The following UBR4 variants were observed in gnomAD, a reference collection of about 807,000 sequenced individuals.
The protein encoded by UBR4 is E3 ubiquitin-protein ligase UBR4.
In UBR4, 124 loss-of-function variants were observed where a neutral mutation model predicts 575.6. The ratio of observed to expected loss-of-function variants is 0.22; its 90% confidence interval spans 0.19 to 0.25. The LOEUF is 0.25. Among genes scored for constraint, UBR4 ranks in the 10% least tolerant of loss-of-function variants. The pLI is 1.00. For synonymous variants in UBR4, 2,455 were observed against 2,473.7 expected (o/e 0.99, Z 0.22); for missense variants, 4,818 against 6,478.8 (o/e 0.74, Z 8.80).
intron 44 of UBR4, 82 bp downstream of exon 44, chr1:19,154,836 A>G: frequency 6.3e-7 from 1 of 1,577,406 alleles, no homozygotes; most frequent in Non-Finnish European, 8.7e-7. Flanking sequence ...CAAAACTCAG[A>G]ACAGATAGCA....
intron 14 of UBR4, among the ~76,000 whole-genome samples, chr1:19,186,066 C>T (rs1193773151): frequency 1.3e-5 from 2 of 152,108 alleles, no homozygotes; most frequent in Admixed American, 1.3e-4. Context: ...AGGTACTTAC[C>T]TTATTCATTC....
At chr1:19,183,726 A>C in intron 17 of UBR4, 85 bp downstream of exon 17, 1 of 1,390,688 alleles carries the variant, frequency 7.2e-7, no homozygotes, top group Non-Finnish European at 1.0e-6. Context: ...CATCTCAAAA[A>C]AACAAACAAA....
At position 19,198,901 on chromosome 1, in the gene UBR4, G is replaced by A. The variant is rs1331506550; in HGVS notation, c.406C>T (p.Leu136=). The change falls in exon 4 of 106, where the codon CTG becomes TTG. Residue 136 remains leucine, a synonymous_variant. Coordinates refer to ENST00000375254, the MANE Select transcript of UBR4 (RefSeq NM_020765.3). ...QKHLILLIKG[L]CTGCSRLDRT... ...TCTAGTCGGCTACAGCCAGTGCACAGGCCCTTGATTAGGAGAATCAAGTGT... is the reference window on the plus strand; with the variant it reads ...TCTAGTCGGCTACAGCCAGTGCACAAGCCCTTGATTAGGAGAATCAAGTGT... 2 of 1,614,180 alleles carry A rather than the reference G, an allele frequency of 1.2e-6. No homozygotes were observed. The highest frequency in any genetic ancestry group is 1.1e-5 in the South Asian group (1 of 91,080).
intron 1 of UBR4, among the ~76,000 whole-genome samples, chr1:19,208,404 T>C (rs1056696399): frequency 1.4e-5 from 2 of 147,222 alleles, no homozygotes; most frequent in Admixed American, 1.4e-4. Flanking sequence ...GAGGTGGAGC[T>C]TGCAGTGAGC....
chr1:19,077,049 G>A (rs1388244585), intron 104 of UBR4, 147 bp from the exon 105 acceptor site: 7 of 794,244 alleles, frequency 8.8e-6, no homozygotes, highest in South Asian at 6.1e-5. Flanking sequence ...TAGAGCGTGC[G>A]TTTTGTCTCC....
chr1:19,167,321 G>T, intron 28 of UBR4, 90 bp from the exon 29 acceptor site: 1 of 1,415,840 alleles, frequency 7.1e-7, no homozygotes, highest in Non-Finnish European at 9.8e-7. Flanking sequence ...ACTTGCCGGG[G>T]AAGAGGGGAA....
chr1:19,164,533 A>G lies in UBR4; in HGVS notation c.4512-92T>C, dbSNP rs1557862195. On this transcript the variant is annotated intron_variant, in intron 32 of 105. Transcript: ENST00000375254. ...AAGTTTTAAATTAAACATTAAATAC[A>G]TAACTACAATACCAATCCCAGCTTT... 18 of 1,341,942 alleles carry G rather than the reference A, an allele frequency of 1.3e-5. No individual in the cohort carries two copies. In the East Asian group the frequency reaches 4.3e-4, roughly 32 times the overall value. 83.1% of individuals were successfully genotyped at this position (1,341,942 alleles called of 1,614,324 possible).
In UBR4 at chr1:19,119,763, T is replaced by C. The variant is rs2080972784; in HGVS notation, c.10311-62A>G. 2.6e-6 allele frequency: 4 copies of C among 1,562,984 alleles called. No individual in the cohort carries two copies. The East Asian group carries it at 6.8e-5, about 27-fold the overall frequency. On this transcript the variant is annotated intron_variant, in intron 69 of 105. Coordinates refer to ENST00000375254, the MANE Select transcript of UBR4 (RefSeq NM_020765.3). ...GAAAACCCTGAGGCACCTGTGTTTA[T>C]CATTGAGGCTCTGGTACCTCAATTT...
chr1:19,099,824 C>T (rs375217831), intron 89 of UBR4, 147 bp from the exon 90 acceptor site: 22 of 659,348 alleles, frequency 3.3e-5, no homozygotes, highest in African/African-American at 1.1e-4. Flanking sequence ...TTAAAAAATC[C>T]GCACGTATGA....
Position 19,179,214 on chromosome 1 carries a change from G to A in UBR4, c.2191C>T (p.Leu731=). ...GGAGCCACTCCTAGCTGCTGCAACAGTGTGTTCTGACAAGAAAGACATGGA... is the reference window on the plus strand; with the variant it reads ...GGAGCCACTCCTAGCTGCTGCAACAATGTGTTCTGACAAGAAAGACATGGA... ...DLQSPNLQNT[L]LQQLGVAPFS... The change falls in exon 18 of 106, where the codon CTG becomes TTG. Residue 731 remains leucine (L), a synonymous_variant. Transcript: ENST00000375254. The A allele has an allele frequency of 6.4e-7, 1 of 1,573,196 alleles. No homozygotes were observed. The highest frequency in any genetic ancestry group is 8.6e-7 in the Non-Finnish European group (1 of 1,167,540).
At chr1:19,074,939 C>T in intron 105 of UBR4, 43 bp from the exon 106 acceptor site, 1 of 1,603,360 alleles carries the variant, frequency 6.2e-7, no homozygotes, top group Admixed American at 1.7e-5. Flanking sequence ...AGCAGGCATA[C>T]AGCCCCCATT....
At chr1:19,156,680 A>G in intron 41 of UBR4, 87 bp downstream of exon 41, 5 of 1,511,114 alleles carry the variant, frequency 3.3e-6, no homozygotes, top group Middle Eastern at 2.2e-4. Flanking sequence ...TCCACAACGA[A>G]TAAGAAAAAG....
intron 18 of UBR4, among the ~76,000 whole-genome samples, 190 bp from the exon 19 acceptor site, chr1:19,177,933 C>T (rs2090449970): frequency 6.6e-6 from 1 of 152,090 alleles, no homozygotes; most frequent in Admixed American, 6.5e-5. Flanking sequence ...CAGACTTGGC[C>T]AGCCAGGCAC....
At chr1:19,084,751 C>G in intron 101 of UBR4, 53 bp from the exon 102 acceptor site, 1 of 1,541,236 alleles carries the variant, frequency 6.5e-7, no homozygotes, top group East Asian at 2.3e-5. Context: ...TGGTGAAAAC[C>G]CAGTTTGGGA....
intron 42 of UBR4, 76 bp from the exon 43 acceptor site, chr1:19,155,744 T>C (rs1437002505): frequency 3.9e-6 from 5 of 1,269,824 alleles, no homozygotes; most frequent in South Asian, 1.3e-5. Flanking sequence ...TGAATCCAAA[T>C]AGCCGGAACT....
At chr1:19,103,932 C>A in intron 87 of UBR4, 152 bp downstream of exon 87, 1 of 930,490 alleles carries the variant, frequency 1.1e-6, no homozygotes, top group Non-Finnish European at 1.6e-6. Context: ...CAAGAGCCAA[C>A]ACTTTGTCAA....
At chr1:19,124,447 A>AT in intron 65 of UBR4, 94 bp downstream of exon 65, 1 of 1,519,376 alleles carries the variant, frequency 6.6e-7, no homozygotes, top group Non-Finnish European at 8.9e-7. Flanking sequence ...GCAAGGGGAA[A>AT]TACCAAGTAA....
At chr1:19,151,445 G>A (rs2085689310) in intron 48 of UBR4, 198 bp downstream of exon 48, 2 of 646,718 alleles carry the variant, frequency 3.1e-6, no homozygotes, top group Admixed American at 2.6e-5. Context: ...TATCTTTACT[G>A]CTACCATGCT....
intron 93 of UBR4, 147 bp downstream of exon 93, chr1:19,095,398 T>C (rs1452580773): frequency 6.5e-6 from 5 of 770,674 alleles, no homozygotes; most frequent in Non-Finnish European, 1.0e-5. Flanking sequence ...GGCAGCTGAA[T>C]GACCCAAGCC....
Sources: allele counts gnomAD v4.1 joint callset (sites outside exome capture counted in the v4.1 genomes callset), GRCh38; gene constraint gnomAD v4.1.1; transcripts MANE v1.5; gene names NCBI Gene and HGNC (gene_info 2026-07-23, HGNC 2026-07-21).